PTPRD: variants seen among roughly 807,000 people sequenced by gnomAD.
PTPRD encodes the protein protein tyrosine phosphatase receptor type D, also known as receptor-type tyrosine-protein phosphatase delta.
PTPRD carries 34 observed loss-of-function variants against 214.5 expected under a neutral mutation model. The observed-to-expected ratio is 0.16, with a 90% CI of 0.12 to 0.21. PTPRD has a LOEUF of 0.21. PTPRD is among the 10% of genes least tolerant of loss of function. The pLI is 1.00. For missense variants in PTPRD, 2,545 were observed against 2,398.7 expected (o/e 1.06, Z -1.27); for synonymous variants, 1,128 against 845.7 (o/e 1.33, Z -5.79).
At chr9:9,233,262 G>T (rs1474268164) in intron 9 of PTPRD, among the ~76,000 whole-genome samples, 1 of 152,008 alleles carries the variant, frequency 6.6e-6, no homozygotes, top group African/African-American at 2.4e-5. Context: ...AAGCAAACGG[G>T]GAAAATCTTC....
chr9:10,270,785 T>A (rs995787643), intron 3 of PTPRD, among the ~76,000 whole-genome samples: 1 of 152,224 alleles, frequency 6.6e-6, no homozygotes, highest in East Asian at 1.9e-4. Context: ...AGAAATGATC[T>A]GAAATATACA....
intron 5 of PTPRD, among the ~76,000 whole-genome samples, chr9:9,863,870 C>A (rs1029971633): frequency 1.3e-5 from 2 of 151,592 alleles, no homozygotes; most frequent in Non-Finnish European, 2.9e-5. Context: ...AGAAATGGAC[C>A]CAAAGATTTG....
At chr9:10,550,386 G>A (rs1251211520) in intron 2 of PTPRD, among the ~76,000 whole-genome samples, 1 of 152,194 alleles carries the variant, frequency 6.6e-6, no homozygotes. Context: ...AGTCTGACAT[G>A]ATGATTTGGG....
intron 9 of PTPRD, among the ~76,000 whole-genome samples, chr9:9,323,344 T>C (rs1967662384): frequency 6.6e-6 from 1 of 152,194 alleles, no homozygotes; most frequent in Admixed American, 6.5e-5. Context: ...ACTTATCATC[T>C]AATTTTATTC....
chr9:8,720,878 C>T (rs2098486352), intron 12 of PTPRD, among the ~76,000 whole-genome samples: 1 of 152,016 alleles, frequency 6.6e-6, no homozygotes, highest in Non-Finnish European at 1.5e-5. Flanking sequence ...ACTGGCATCT[C>T]TTGGGCCCTC....
chr9:10,274,094 C>A (rs1209846269), intron 3 of PTPRD, among the ~76,000 whole-genome samples: 1 of 152,044 alleles, frequency 6.6e-6, no homozygotes, highest in East Asian at 1.9e-4. Context: ...TAAATGAAAG[C>A]TCTGCCCACC....
intron 12 of PTPRD, among the ~76,000 whole-genome samples, chr9:8,710,551 G>C (rs995990086): frequency 1.6e-4 from 25 of 152,142 alleles, no homozygotes; most frequent in Non-Finnish European, 1.5e-5. Flanking sequence ...AACAGGTCGA[G>C]GCTGAGGTTA....
At chr9:9,868,127 G>A (rs999258743) in intron 5 of PTPRD, among the ~76,000 whole-genome samples, 1 of 152,108 alleles carries the variant, frequency 6.6e-6, no homozygotes, top group African/African-American at 2.4e-5. Context: ...AGTCTATACC[G>A]CTGCTTCAGG....
intron 8 of PTPRD, among the ~76,000 whole-genome samples, chr9:9,565,909 G>T (rs1198546892): frequency 6.6e-6 from 1 of 151,902 alleles, no homozygotes; most frequent in Non-Finnish European, 1.5e-5. Flanking sequence ...TTTGTTGATG[G>T]TGTCTTCTAT....
At position 8,334,109 on chromosome 9, in the gene PTPRD, T is replaced by C. The variant is rs994856950; in HGVS notation, c.5380-2373A>G. On this transcript the variant is annotated intron_variant, in intron 43 of 45. Transcript: ENST00000381196. ...ATAATAGGAGACTTTAACACCCCAC[T>C]GTCAATATTAGATCAATGACACAGA... Among the ~76,000 whole-genome samples, 24 of 152,166 alleles carry C rather than the reference T, an allele frequency of 1.6e-4. 1 individual carries two copies. Among genetic ancestry groups the C allele is most frequent in the Admixed American group, 1.5e-3 (23 of 15,274 alleles).
chr9:9,292,152 T>G (rs1404506191), intron 9 of PTPRD, among the ~76,000 whole-genome samples: 1 of 148,382 alleles, frequency 6.7e-6, no homozygotes, highest in Non-Finnish European at 1.5e-5. Context: ...AACGTTTCAT[T>G]CTCCTTAGAT....
chr9:8,436,110 A>T (rs2095337253), intron 35 of PTPRD, among the ~76,000 whole-genome samples: 1 of 152,228 alleles, frequency 6.6e-6, no homozygotes, highest in African/African-American at 2.4e-5. Context: ...TCAGAAGACA[A>T]ATACTGCATG....
intron 9 of PTPRD, among the ~76,000 whole-genome samples, chr9:9,318,102 C>T (rs562399350): frequency 3.3e-5 from 5 of 151,648 alleles, no homozygotes; most frequent in South Asian, 2.1e-4. Flanking sequence ...ACCAGGGATG[C>T]GGAGGTTGCA....
intron 7 of PTPRD, among the ~76,000 whole-genome samples, chr9:9,591,294 C>G (rs553883547): frequency 6.6e-6 from 1 of 151,980 alleles, no homozygotes; most frequent in East Asian, 1.9e-4. Context: ...CCTCGGGGAC[C>G]AAAGACCATA....
intron 2 of PTPRD, among the ~76,000 whole-genome samples, chr9:10,503,918 C>T (rs2044808153): frequency 6.6e-6 from 1 of 151,332 alleles, no homozygotes; most frequent in Admixed American, 6.6e-5. Flanking sequence ...AGATCAAGAC[C>T]ATCCTGGCTA....
intron 11 of PTPRD, among the ~76,000 whole-genome samples, chr9:8,746,751 T>C (rs2092859863): frequency 6.6e-6 from 1 of 152,170 alleles, no homozygotes; most frequent in South Asian, 2.1e-4. Flanking sequence ...CCCAGTGCTT[T>C]CAGAGGCTGA....
chr9:8,969,570 A>G (rs2099223409), intron 11 of PTPRD, among the ~76,000 whole-genome samples: 2 of 152,100 alleles, frequency 1.3e-5, no homozygotes, highest in African/African-American at 4.8e-5. Context: ...AACAATGCTG[A>G]ACAAAAATAA....
Position 9,936,552 on chromosome 9 carries a change from G to C in PTPRD, c.-368+1955C>G, listed in dbSNP as rs10816253. On this transcript the variant is annotated intron_variant, in intron 5 of 45. Coordinates refer to ENST00000381196, the MANE Select transcript of PTPRD (RefSeq NM_002839.4). ...ACAATCTCACACCAGTTAGAATGGC[G>C]ATCATTAAAAAGTCAGTAAACAACA... 3.0e-5 allele frequency among the ~76,000 whole-genome samples: 4 copies of C among 131,516 alleles called. 1 individual carries two copies. Among genetic ancestry groups the C allele is most frequent in the African/African-American group, 1.3e-4 (4 of 30,712 alleles). The allele number at this position is 131,516 out of a possible 152,430, so 86.3% of individuals were successfully genotyped here.
chr9:9,782,284 C>T (rs2098853517), intron 5 of PTPRD, among the ~76,000 whole-genome samples: 1 of 152,100 alleles, frequency 6.6e-6, no homozygotes. Flanking sequence ...ACAGGTACCT[C>T]TAAGTCCTAA....
Sources: allele counts gnomAD v4.1 joint callset (sites outside exome capture counted in the v4.1 genomes callset), GRCh38; gene constraint gnomAD v4.1.1; transcripts MANE v1.5; gene names NCBI Gene and HGNC (gene_info 2026-07-23, HGNC 2026-07-21).